The following ARHGEF26 variants were observed in gnomAD, a reference collection of about 807,000 sequenced individuals.
ARHGEF26 encodes the protein Rho guanine nucleotide exchange factor 26, also known as Rho guanine nucleotide exchange factor (GEF) 26.
Under a neutral mutation model 89.4 loss-of-function variants are expected in ARHGEF26, and 59 were observed. That is an observed-to-expected ratio of 0.66 (90% confidence interval 0.54 to 0.82). The LOEUF (loss-of-function observed/expected upper bound fraction) is 0.82. Among genes scored for constraint, ARHGEF26 ranks in the 40% least tolerant of loss-of-function variants. ARHGEF26 has a pLI of 0.00. For synonymous variants in ARHGEF26, 500 were observed against 428.4 expected, an observed-to-expected ratio of 1.17 and a Z score of -2.06; for missense variants, 1,234 against 1,085.6, an observed-to-expected ratio of 1.14 and a Z score of -1.92.
At chr3:154,176,124 T>C (rs1304879962) in intron 6 of ARHGEF26, among the ~76,000 whole-genome samples, 3 of 152,180 alleles carry the variant, frequency 2.0e-5, no homozygotes, top group African/African-American at 7.2e-5. Context: ...TATATCTTTC[T>C]CCATCCCTTT....
At position 154,123,091 on chromosome 3, in the gene ARHGEF26, A is replaced by AGT; in HGVS notation, c.1083+20_1083+21dup. On this transcript the variant is annotated intron_variant, in intron 2 of 14. Coordinates refer to ENST00000465093, the MANE Select transcript of ARHGEF26 (RefSeq NM_015595.4). ...AAGGATAAAGGTAAAAGTGGGCAGG[A>AGT]GTGTGGCACGCCATTCACTAAGCGG... is the stretch of plus-strand genomic sequence containing the variant. 1 of 1,612,176 alleles carries AGT rather than the reference A, an allele frequency of 6.2e-7. No individual in the cohort carries two copies. The highest frequency in any genetic ancestry group is 1.1e-5 in the South Asian group (1 of 90,860).
At chr3:154,158,894 T>C (rs1028105506) in intron 6 of ARHGEF26, among the ~76,000 whole-genome samples, 17 of 152,234 alleles carry the variant, frequency 1.1e-4, no homozygotes, top group African/African-American at 4.1e-4. Flanking sequence ...GACCTATAAA[T>C]GTGATTAACT....
At chr3:154,227,107 G>A (rs1033996548) in intron 11 of ARHGEF26, among the ~76,000 whole-genome samples, 9 of 152,108 alleles carry the variant, frequency 5.9e-5, no homozygotes, top group African/African-American at 2.2e-4. Flanking sequence ...TCAGCTGAGT[G>A]GCTGTCTAGC....
chr3:154,191,668 T>C (rs1181810903), intron 8 of ARHGEF26, among the ~76,000 whole-genome samples: 2 of 152,192 alleles, frequency 1.3e-5, no homozygotes, highest in Non-Finnish European at 2.9e-5. Context: ...TCAGCATTTT[T>C]TGAAATAGGA....
chr3:154,135,718 C>T (rs1234829303), intron 4 of ARHGEF26, among the ~76,000 whole-genome samples: 1 of 152,188 alleles, frequency 6.6e-6, no homozygotes, highest in Non-Finnish European at 1.5e-5. Flanking sequence ...ACACTGTGTA[C>T]TTGTTACAGT....
intron 11 of ARHGEF26, among the ~76,000 whole-genome samples, chr3:154,230,204 A>G (rs1344837466): frequency 6.6e-6 from 1 of 152,214 alleles, no homozygotes; most frequent in East Asian, 1.9e-4. Context: ...CAGCTGCTGT[A>G]TCAAAGTGCC....
chr3:154,133,933 G>T (rs1033590504), intron 4 of ARHGEF26, among the ~76,000 whole-genome samples: 1 of 152,068 alleles, frequency 6.6e-6, no homozygotes, highest in Non-Finnish European at 1.5e-5. Context: ...ATATTCCTAG[G>T]TATCTTATTT....
At chr3:154,237,641 A>C (rs1209722827) in intron 11 of ARHGEF26, among the ~76,000 whole-genome samples, 5 of 152,142 alleles carry the variant, frequency 3.3e-5, no homozygotes, top group Admixed American at 2.0e-4. Context: ...TTCTATTGGG[A>C]TGACTTGATA....
At chr3:154,219,835 A>G (rs917660681) in intron 10 of ARHGEF26, among the ~76,000 whole-genome samples, 14 of 151,434 alleles carry the variant, frequency 9.2e-5, no homozygotes, top group African/African-American at 3.4e-4. Flanking sequence ...AATGGCATGA[A>G]CCCGGGAGGC....
chr3:154,144,141 C>A (rs1254768949), intron 4 of ARHGEF26, among the ~76,000 whole-genome samples: 1 of 152,062 alleles, frequency 6.6e-6, no homozygotes, highest in Non-Finnish European at 1.5e-5. Context: ...TCAGGGGGAG[C>A]AACTTAATTT....
intron 2 of ARHGEF26, among the ~76,000 whole-genome samples, chr3:154,123,709 C>T (rs1169008739): frequency 6.6e-6 from 1 of 152,168 alleles, no homozygotes; most frequent in Non-Finnish European, 1.5e-5. Flanking sequence ...GTTGTATGCC[C>T]ATTCATCCTT....
chr3:154,146,035 C>G (rs943543611), intron 4 of ARHGEF26, among the ~76,000 whole-genome samples: 4 of 151,844 alleles, frequency 2.6e-5, no homozygotes, highest in Admixed American at 2.6e-4. Flanking sequence ...AAGCTCAGAC[C>G]TGCAAAGTAC....
chr3:154,142,566 C>T (rs1400044526), intron 4 of ARHGEF26, among the ~76,000 whole-genome samples: 3 of 152,300 alleles, frequency 2.0e-5, no homozygotes, highest in South Asian at 4.1e-4. Context: ...ATTGCAAAAT[C>T]TCAGAAATTC....
At chr3:154,208,334 C>T (rs77745182) in intron 9 of ARHGEF26, among the ~76,000 whole-genome samples, 1,591 of 152,256 alleles carry the variant, frequency 0.01, 20 homozygotes, top group African/African-American at 0.036. Context: ...CAGGTGTGAC[C>T]GCTATCCTCA....
At chr3:154,248,039 G>C (rs904231093) in intron 12 of ARHGEF26, among the ~76,000 whole-genome samples, 1 of 152,196 alleles carries the variant, frequency 6.6e-6, no homozygotes, top group African/African-American at 2.4e-5. Flanking sequence ...ACACACAACA[G>C]GCTGTGGCAA....
intron 6 of ARHGEF26, among the ~76,000 whole-genome samples, chr3:154,168,660 C>G (rs1366533963): frequency 6.6e-6 from 1 of 152,156 alleles, no homozygotes; most frequent in Non-Finnish European, 1.5e-5. Flanking sequence ...GAAGCCCAGA[C>G]GCGTTGACTC....
At chr3:154,173,399 A>G (rs1043594148) in intron 6 of ARHGEF26, among the ~76,000 whole-genome samples, 2 of 152,196 alleles carry the variant, frequency 1.3e-5, no homozygotes, top group Non-Finnish European at 2.9e-5. Flanking sequence ...AGACAATTGA[A>G]TGTAATTTTT....
At chr3:154,236,870 TGATATTG>T (rs1298813023) in intron 11 of ARHGEF26, among the ~76,000 whole-genome samples, 14 of 152,198 alleles carry the variant, frequency 9.2e-5, no homozygotes, top group African/African-American at 3.4e-4. Context: ...GACGAAGTAA[TGATATTG>T]GATATTGGGT....
Position 154,217,974 on chromosome 3 carries a change from G to T in ARHGEF26, c.1935+16G>T, listed in dbSNP as rs1208809209. 7.1e-6 allele frequency: 11 copies of T among 1,539,756 alleles called. No individual in the cohort carries two copies. Among genetic ancestry groups the T allele is most frequent in the South Asian group, 1.2e-5 (1 of 84,256 alleles). ...TAAAATTAAGGTATTCTCGTACCTT[G>T]TTCATTACTGTTCTTGCCTATGTTT... On this transcript the variant is annotated intron_variant, in intron 10 of 14. Transcript: ENST00000465093.
Sources: gnomAD v4.1 joint callset for allele counts (sites outside exome capture counted in the v4.1 genomes callset) on GRCh38, gnomAD v4.1.1 for gene constraint, MANE v1.5 for transcripts, NCBI Gene and HGNC (gene_info 2026-07-23, HGNC 2026-07-21) for gene names.